The following PARD3B variants were observed in gnomAD, a reference collection of about 807,000 sequenced individuals.
PARD3B encodes the protein par-3 family cell polarity regulator beta.
In PARD3B, 103 loss-of-function variants were observed where a neutral mutation model predicts 130.2. The observed-to-expected ratio is 0.79, with a 90% CI of 0.67 to 0.93. The LOEUF (loss-of-function observed/expected upper bound fraction) is 0.93. Ranked by LOEUF, PARD3B falls within the 40% of genes least tolerant of loss-of-function variation. PARD3B has a pLI of 0.00. For synonymous variants in PARD3B, 583 were observed against 553.2 expected (o/e 1.05, Z -0.76); for missense variants, 1,609 against 1,499.2 (o/e 1.07, Z -1.21).
intron 4 of PARD3B, chr2:205,103,622 C>G (rs1702984950): frequency 1.3e-6 from 1 of 771,014 alleles, no homozygotes; most frequent in South Asian, 5.9e-5. Flanking sequence ...CCACGTGTAA[C>G]AATAGTTTAT....
chr2:205,346,318 G>A (rs928781353), intron 18 of PARD3B, among the ~76,000 whole-genome samples: 2 of 151,914 alleles, frequency 1.3e-5, no homozygotes, highest in Admixed American at 6.6e-5. Flanking sequence ...TGCCCATTTA[G>A]CTGAAGCACC....
intron 2 of PARD3B, among the ~76,000 whole-genome samples, chr2:204,905,423 A>G (rs1443142745): frequency 6.6e-6 from 1 of 152,200 alleles, no homozygotes; most frequent in Non-Finnish European, 1.5e-5. Context: ...TTTTCTTTAA[A>G]TGTGTTAAAT....
At chr2:204,902,768 T>A (rs958715394) in intron 2 of PARD3B, among the ~76,000 whole-genome samples, 1 of 152,186 alleles carries the variant, frequency 6.6e-6, no homozygotes, top group Non-Finnish European at 1.5e-5. Flanking sequence ...TTTTTCTTTC[T>A]CTTTTAGAAA....
chr2:204,629,437 T>C (rs2034604844), intron 1 of PARD3B, among the ~76,000 whole-genome samples: 1 of 152,142 alleles, frequency 6.6e-6, no homozygotes, highest in African/African-American at 2.4e-5. Flanking sequence ...AATTCAGTCA[T>C]CTTCAAAACC....
chr2:205,360,783 G>A (rs1434893545), intron 18 of PARD3B, among the ~76,000 whole-genome samples: 7 of 152,152 alleles, frequency 4.6e-5, no homozygotes, highest in Admixed American at 4.6e-4. Flanking sequence ...AGTCTCAGTG[G>A]GCTGTTTGGA....
At chr2:205,598,441 C>T (rs1409542210) in intron 22 of PARD3B, among the ~76,000 whole-genome samples, 1 of 151,848 alleles carries the variant, frequency 6.6e-6, no homozygotes, top group African/African-American at 2.4e-5. Flanking sequence ...CATATACTCC[C>T]AACATTGGAG....
chr2:204,881,231 G>T (rs2046032635), intron 2 of PARD3B, among the ~76,000 whole-genome samples: 1 of 152,072 alleles, frequency 6.6e-6, no homozygotes, highest in Non-Finnish European at 1.5e-5. Flanking sequence ...TTTTTATGTG[G>T]TTGACCAGTC....
intron 10 of PARD3B, among the ~76,000 whole-genome samples, chr2:205,151,189 G>C (rs953172445): frequency 2.0e-5 from 3 of 152,138 alleles, no homozygotes; most frequent in African/African-American, 7.2e-5. Flanking sequence ...CAACTATGTG[G>C]TCAATTTTGG....
intron 2 of PARD3B, among the ~76,000 whole-genome samples, chr2:204,730,069 C>A (rs7569989): frequency 0.027 from 4,129 of 150,500 alleles, 177 homozygotes; most frequent in African/African-American, 0.095. Context: ...TAGTTAATTT[C>A]TTTCTTTCTT....
In PARD3B at chr2:205,193,238, T is replaced by A; in HGVS notation, c.2058T>A (p.Asp686Glu). ...TGGATTCAGCAGTATATTTTCCAGA[T>A]CAGCACATCAACTTCAGATCTGTGA... ...SGVDSAVYFP[D>E]QHINFRSVTP... is the part of the protein sequence containing the mutation. Residue 686 changes from aspartate (D) to glutamate (E), a missense_variant, in exon 15 of 23, where the codon GAT (aspartate) becomes GAA (glutamate). Coordinates refer to ENST00000406610, the MANE Select transcript of PARD3B (RefSeq NM_001302769.2). The A allele has an allele frequency of 6.2e-7, 1 of 1,613,200 alleles. No individual in the cohort carries two copies. The highest frequency in any genetic ancestry group is 8.5e-7 in the Non-Finnish European group (1 of 1,179,190).
At chr2:205,484,210 T>A (rs947061430) in intron 20 of PARD3B, among the ~76,000 whole-genome samples, 6 of 152,230 alleles carry the variant, frequency 3.9e-5, no homozygotes, top group African/African-American at 1.4e-4. Flanking sequence ...GCTTTCAGTT[T>A]ATTCATTTGT....
In PARD3B at chr2:205,127,659, C is replaced by G. The variant is rs2031594319; in HGVS notation, c.1434+1922C>G. ...TTCTTTCTCCCTTTCCTTCTCTTTC[C>G]CATCATCTTACCCATTTTTCCCTTT... On this transcript the variant is annotated intron_variant, in intron 10 of 22. Coordinates refer to ENST00000406610, the MANE Select transcript of PARD3B (RefSeq NM_001302769.2). Among the ~76,000 whole-genome samples the G allele has an allele frequency of 2.0e-5, 3 of 152,264 alleles. No individual in the cohort carries two copies. In the South Asian group the frequency reaches 6.2e-4, roughly 32 times the overall value.
At chr2:204,570,818 T>TAACTGAGGTGTATAAGCTGTTGC (rs1384395996) in intron 1 of PARD3B, among the ~76,000 whole-genome samples, 13 of 149,946 alleles carry the variant, frequency 8.7e-5, no homozygotes, top group South Asian at 2.1e-4. Context: ...TAAGCTGTTG[T>TAACTGAGGTGTATAAGCTGTTGC]AACTGAGGTG....
At chr2:205,531,815 T>A (rs1007513257) in intron 21 of PARD3B, among the ~76,000 whole-genome samples, 1 of 152,198 alleles carries the variant, frequency 6.6e-6, no homozygotes, top group African/African-American at 2.4e-5. Flanking sequence ...TGCATATGGA[T>A]GATCTTTTTA....
At chr2:204,716,297 C>T (rs1021600237) in intron 2 of PARD3B, among the ~76,000 whole-genome samples, 2 of 152,038 alleles carry the variant, frequency 1.3e-5, no homozygotes, top group Non-Finnish European at 2.9e-5. Context: ...ATGAGCATCA[C>T]CCAGAAATGA....
intron 2 of PARD3B, among the ~76,000 whole-genome samples, chr2:204,954,220 C>T (rs1401221080): frequency 2.6e-5 from 4 of 152,194 alleles, no homozygotes; most frequent in Admixed American, 6.5e-5. Flanking sequence ...AGAAGGAGTT[C>T]AGCAGCTAAA....
intron 1 of PARD3B, among the ~76,000 whole-genome samples, chr2:204,599,116 A>G (rs2033410025): frequency 6.6e-6 from 1 of 151,922 alleles, no homozygotes; most frequent in South Asian, 2.1e-4. Context: ...TTCGATACAT[A>G]CAGTGAAGGC....
At chr2:204,955,517 G>C (rs1260472559) in intron 2 of PARD3B, among the ~76,000 whole-genome samples, 2 of 152,176 alleles carry the variant, frequency 1.3e-5, no homozygotes, top group African/African-American at 2.4e-5. Flanking sequence ...TATGGCAGAG[G>C]CTTTGTTCTC....
At chr2:205,284,362 C>A (rs2041306613) in intron 16 of PARD3B, among the ~76,000 whole-genome samples, 1 of 152,144 alleles carries the variant, frequency 6.6e-6, no homozygotes, top group Non-Finnish European at 1.5e-5. Flanking sequence ...TTAACCTTTT[C>A]TCTTACTGGA....
Sources: allele counts gnomAD v4.1 joint callset (sites outside exome capture counted in the v4.1 genomes callset), GRCh38; gene constraint gnomAD v4.1.1; transcripts MANE v1.5; gene names NCBI Gene and HGNC (gene_info 2026-07-23, HGNC 2026-07-21).